Variants in DAB1 observed in about 807,000 individuals in gnomAD.
DAB1 encodes disabled homolog 1.
Under a neutral mutation model 64.6 loss-of-function variants are expected in DAB1, and 15 were observed. The observed-to-expected ratio is 0.23, with a 90% CI of 0.16 to 0.36. The LOEUF (loss-of-function observed/expected upper bound fraction) is 0.36, where lower values mean the gene tolerates loss of function less well. DAB1 is among the 10% of genes least tolerant of loss of function. The pLI, the probability that DAB1 is intolerant of heterozygous loss-of-function variation, is 1.00. For missense variants in DAB1, 596 were observed against 706.7 expected (o/e 0.84, Z 1.78); for synonymous variants, 235 against 251.9 (o/e 0.93, Z 0.64).
At chr1:57,262,151 G>A (rs1287336389) in intron 2 of DAB1, among the ~76,000 whole-genome samples, 1 of 152,176 alleles carries the variant, frequency 6.6e-6, no homozygotes, top group Non-Finnish European at 1.5e-5. Flanking sequence ...TACATGTTGG[G>A]CAAGTTGAAT....
intron 7 of DAB1, among the ~76,000 whole-genome samples, chr1:57,635,022 T>C (rs57982718): frequency 0.49 from 74,879 of 151,936 alleles, 19,187 homozygotes; most frequent in East Asian, 0.69. Context: ...GTTCAGCATC[T>C]CTGAGATGGG....
intron 7 of DAB1, among the ~76,000 whole-genome samples, chr1:57,471,907 G>A (rs1687150525): frequency 6.6e-6 from 1 of 152,180 alleles, no homozygotes; most frequent in South Asian, 2.1e-4. Flanking sequence ...GTTTGTCAAG[G>A]TTAATTATAT....
At chr1:57,211,020 T>G (rs1420217545) in intron 2 of DAB1, among the ~76,000 whole-genome samples, 2 of 152,242 alleles carry the variant, frequency 1.3e-5, no homozygotes, top group African/African-American at 4.8e-5. Flanking sequence ...TACACCTGGG[T>G]GCATTTCATT....
intron 5 of DAB1, among the ~76,000 whole-genome samples, chr1:57,894,893 C>G (rs1022636): frequency 0.17 from 26,472 of 152,058 alleles, 2,702 homozygotes; most frequent in Admixed American, 0.27. Context: ...TTCAAACTAT[C>G]CACTCACATC....
intron 2 of DAB1, among the ~76,000 whole-genome samples, chr1:57,289,538 T>A (rs1672598377): frequency 6.6e-6 from 1 of 152,216 alleles, no homozygotes; most frequent in South Asian, 2.1e-4. Context: ...GCCTCCAAAG[T>A]ATTTGTGTTT....
intron 4 of DAB1, among the ~76,000 whole-genome samples, chr1:58,197,514 C>T (rs1657749100): frequency 1.3e-5 from 2 of 151,770 alleles, no homozygotes; most frequent in South Asian, 4.2e-4. Context: ...GCCTCAGCCT[C>T]CCGAGTGGCT....
At chr1:58,248,804 G>A (rs1164507709) in intron 4 of DAB1, among the ~76,000 whole-genome samples, 1 of 152,048 alleles carries the variant, frequency 6.6e-6, no homozygotes, top group Non-Finnish European at 1.5e-5. Context: ...AAAGCAAAAG[G>A]AAACCCCACT....
intron 14 of DAB1, among the ~76,000 whole-genome samples, chr1:57,005,393 T>C (rs1646030536): frequency 6.6e-6 from 1 of 152,164 alleles, no homozygotes; most frequent in Non-Finnish European, 1.5e-5. Context: ...GCAGGTTGCA[T>C]CTAGGACTGA....
intron 2 of DAB1, among the ~76,000 whole-genome samples, chr1:57,198,957 C>G (rs1664872905): frequency 6.6e-6 from 1 of 152,256 alleles, no homozygotes; most frequent in African/African-American, 2.4e-5. Flanking sequence ...CTGTGAAGGT[C>G]AGCAGCTTGC....
intron 2 of DAB1, among the ~76,000 whole-genome samples, chr1:57,195,419 T>C (rs912368032): frequency 6.6e-6 from 1 of 152,262 alleles, no homozygotes; most frequent in Non-Finnish European, 1.5e-5. Flanking sequence ...ACTTCAGATA[T>C]ACAAGGCTGA....
At chr1:57,509,165 C>T (rs1644380537) in intron 7 of DAB1, among the ~76,000 whole-genome samples, 2 of 152,170 alleles carry the variant, frequency 1.3e-5, no homozygotes, top group South Asian at 4.1e-4. Flanking sequence ...TTTTCTGATC[C>T]TCAGCTTTCT....
intron 4 of DAB1, among the ~76,000 whole-genome samples, chr1:58,174,693 C>T (rs1656366456): frequency 6.6e-6 from 1 of 152,200 alleles, no homozygotes; most frequent in Non-Finnish European, 1.5e-5. Flanking sequence ...CCAATCAGCG[C>T]TCTGTGTCTA....
chr1:58,031,989 C>T (rs1406055399), intron 5 of DAB1, among the ~76,000 whole-genome samples: 1 of 141,982 alleles, frequency 7.0e-6, no homozygotes. Context: ...CTGATAGAAA[C>T]GTGTGTGTGT....
chr1:58,247,816 C>A (rs1033874874), intron 4 of DAB1, among the ~76,000 whole-genome samples: 1 of 122,542 alleles, frequency 8.2e-6, no homozygotes, highest in Non-Finnish European at 1.6e-5. Flanking sequence ...CCACCGAGTT[C>A]TCTGTCTCTG....
chr1:58,106,457 T>C (rs1213191012), intron 5 of DAB1, among the ~76,000 whole-genome samples: 2 of 152,226 alleles, frequency 1.3e-5, no homozygotes, highest in African/African-American at 4.8e-5. Flanking sequence ...GTGTTGGAAA[T>C]ACAGGCATGA....
chr1:57,454,731 A>T (rs1422422974), intron 7 of DAB1, among the ~76,000 whole-genome samples: 1 of 152,134 alleles, frequency 6.6e-6, no homozygotes, highest in Non-Finnish European at 1.5e-5. Context: ...TGTTGAAGAT[A>T]GTTCTCTAGA....
At chr1:57,559,511 G>A (rs745554465) in intron 7 of DAB1, among the ~76,000 whole-genome samples, 11 of 152,174 alleles carry the variant, frequency 7.2e-5, no homozygotes, top group Admixed American at 2.6e-4. Flanking sequence ...CAGACATTTC[G>A]GGGACTATTG....
At chr1:57,195,254 T>G (rs1311864225) in intron 2 of DAB1, among the ~76,000 whole-genome samples, 1 of 152,134 alleles carries the variant, frequency 6.6e-6, no homozygotes, top group Non-Finnish European at 1.5e-5. Flanking sequence ...CAATATAAGG[T>G]TCAACATGAT....
At chr1:58,370,745 T>C (rs929139670) in intron 3 of DAB1, among the ~76,000 whole-genome samples, 1 of 152,122 alleles carries the variant, frequency 6.6e-6, no homozygotes, top group African/African-American at 2.4e-5. Flanking sequence ...GTGCTTGTGA[T>C]AGTGAGTGAG....
Sources: gnomAD v4.1 joint callset for allele counts (sites outside exome capture counted in the v4.1 genomes callset) on GRCh38, gnomAD v4.1.1 for gene constraint, MANE v1.5 for transcripts, NCBI Gene and HGNC (gene_info 2026-07-23, HGNC 2026-07-21) for gene names.